Variants in NUMB observed in about 807,000 individuals in gnomAD.
NUMB encodes NUMB endocytic adaptor protein.
In NUMB, 29 loss-of-function variants were observed where a neutral mutation model predicts 59.7. The observed-to-expected ratio is 0.49, with a 90% confidence interval of 0.36 to 0.66. The LOEUF is 0.66. Ranked by LOEUF, NUMB falls within the 30% of genes least tolerant of loss-of-function variation. NUMB has a pLI of 0.00. For missense variants in NUMB, 723 were observed against 822.0 expected, an observed-to-expected ratio of 0.88 and a Z score of 1.47; for synonymous variants, 288 against 288.2, an observed-to-expected ratio of 1.00 and a Z score of 0.01.
chr14:73,282,139 T>C (rs1414312456), intron 11 of NUMB: 4 of 463,778 alleles, frequency 8.6e-6, no homozygotes, highest in Non-Finnish European at 1.5e-5. Flanking sequence ...GGGTGAAAGA[T>C]GGGCACATGC....
chr14:73,445,876 G>A (rs1245960348), intron 1 of NUMB, among the ~76,000 whole-genome samples: 1 of 152,012 alleles, frequency 6.6e-6, no homozygotes, highest in Non-Finnish European at 1.5e-5. Context: ...TGTGGGGGAG[G>A]GGTTCCATCA....
At chr14:73,293,009 C>T in intron 7 of NUMB, 135 bp from the exon 8 acceptor site, 5 of 885,808 alleles carry the variant, frequency 5.6e-6, no homozygotes, top group South Asian at 1.8e-5. Context: ...AGATCTGTGT[C>T]CAGCAGTTTA....
chr14:73,276,937 G>T lies in NUMB; in HGVS notation c.1597C>A (p.Gln533Lys). The T allele has an allele frequency of 6.2e-7, 1 of 1,614,178 alleles. No homozygotes were observed. Among genetic ancestry groups the T allele is most frequent in the Non-Finnish European group, 8.5e-7 (1 of 1,180,050 alleles). Residue 533 changes from glutamine (Q) to lysine (K), a missense_variant, in exon 13 of 13, where the codon CAG (glutamine) becomes AAG (lysine). Physicochemically the swap from Gln to Lys is moderately conservative, Grantham distance 53. This residue lies in a region of NUMB where 406 missense variants were observed against 385.4 expected (regional missense o/e 1.05). Transcript: ENST00000555238. ...NVPVVGITPS[Q>K]MVANVFGTAG... Reference sequence around the variant, plus strand: ...GTGCCAAATACGTTGGCCACCATCTGGGAGGGAGTGATGCCCACCACAGGC... The same window carrying T: ...GTGCCAAATACGTTGGCCACCATCTTGGAGGGAGTGATGCCCACCACAGGC...
At chr14:73,285,839 T>C (rs980023962) in intron 9 of NUMB, among the ~76,000 whole-genome samples, 27 of 151,452 alleles carry the variant, frequency 1.8e-4, no homozygotes, top group Middle Eastern at 3.4e-3. Context: ...GGCAGGAGAA[T>C]CGCTTGAGCC....
rs568779146 is a variant in NUMB, at chr14:73,321,852, T to A, written c.201+1278A>T. Among the ~76,000 whole-genome samples, 14 of 152,334 alleles carry A rather than the reference T, an allele frequency of 9.2e-5. No homozygotes were observed. In the East Asian group the frequency reaches 1.7e-3, roughly 19 times the overall value. On this transcript the variant is annotated intron_variant, in intron 5 of 12. Transcript: ENST00000555238. Reference sequence around the variant, plus strand: ...GTGTAGGTATGTCTGTATCTTTTTTTAAAATTTTTTAGTTCTTTGTATATT... The same window carrying A: ...GTGTAGGTATGTCTGTATCTTTTTTAAAAATTTTTTAGTTCTTTGTATATT...
At chr14:73,409,124 T>C (rs1896802008) in intron 2 of NUMB, 3 of 152,194 alleles carry the variant, frequency 2.0e-5, no homozygotes, top group Non-Finnish European at 2.9e-5. Flanking sequence ...CCTACAACGT[T>C]AGATTCCATC....
At position 73,316,562 on chromosome 14, in the gene NUMB, C is replaced by G. The variant is rs192784300; in HGVS notation, c.202-140G>C. On this transcript the variant is annotated intron_variant, in intron 5 of 12. Coordinates refer to ENST00000555238, the MANE Select transcript of NUMB (RefSeq NM_001005743.2). ...TGGGAGTGAGTTTCAAAGAGTTATC[C>G]ACACCAGGAGTGACAGGGAAAAAGG... is the stretch of plus-strand genomic sequence containing the variant. 9 of 726,738 alleles carry G rather than the reference C, an allele frequency of 1.2e-5. No individual in the cohort carries two copies. The East Asian group carries it at 2.3e-4, about 19-fold the overall frequency. 45.0% of individuals were successfully genotyped at this position (726,738 alleles called of 1,614,324 possible).
chr14:73,347,674 C>T (rs11849046), intron 4 of NUMB, among the ~76,000 whole-genome samples: 7,834 of 152,222 alleles, frequency 0.051, 653 homozygotes, highest in African/African-American at 0.18. Flanking sequence ...CCACTTTCTC[C>T]TATGTTGAAA....
intron 2 of NUMB, among the ~76,000 whole-genome samples, chr14:73,375,051 T>C (rs1043950127): frequency 4.6e-5 from 7 of 152,188 alleles, no homozygotes; most frequent in African/African-American, 1.7e-4. Context: ...TGCTAAGGTG[T>C]TGCCTCTGGC....
At chr14:73,449,701 G>C (rs1308605506) in intron 1 of NUMB, among the ~76,000 whole-genome samples, 2 of 151,928 alleles carry the variant, frequency 1.3e-5, no homozygotes, top group Non-Finnish European at 2.9e-5. Flanking sequence ...ATGTTTTGGT[G>C]TTTGTTTTTT....
At chr14:73,293,217 A>G (rs1341392375) in intron 7 of NUMB, among the ~76,000 whole-genome samples, 4 of 152,148 alleles carry the variant, frequency 2.6e-5, no homozygotes, top group Non-Finnish European at 4.4e-5. Context: ...TTTATTCCCA[A>G]ATATAAGCAA....
intron 6 of NUMB, among the ~76,000 whole-genome samples, chr14:73,307,280 G>T (rs2139875091): frequency 6.7e-6 from 1 of 149,414 alleles, no homozygotes. Flanking sequence ...CTGCACTCCA[G>T]CCTGGGCAAC....
At chr14:73,362,963 A>G (rs1375061121) in intron 3 of NUMB, among the ~76,000 whole-genome samples, 1 of 152,050 alleles carries the variant, frequency 6.6e-6, no homozygotes, top group Non-Finnish European at 1.5e-5. Context: ...AGCCTGGGCA[A>G]CATAGTGAGA....
chr14:73,417,095 A>G (rs897147555), intron 1 of NUMB, among the ~76,000 whole-genome samples: 2 of 151,810 alleles, frequency 1.3e-5, no homozygotes, highest in Non-Finnish European at 2.9e-5. Flanking sequence ...GGCGACGATC[A>G]TCTTCCCACT....
chr14:73,318,685 C>G (rs1891215851), intron 5 of NUMB, among the ~76,000 whole-genome samples: 1 of 152,070 alleles, frequency 6.6e-6, no homozygotes, highest in African/African-American at 2.4e-5. Flanking sequence ...GTCATTTATC[C>G]TATAGAAGCT....
intron 6 of NUMB, among the ~76,000 whole-genome samples, chr14:73,308,538 T>C (rs1002709284): frequency 6.6e-6 from 1 of 152,212 alleles, no homozygotes; most frequent in Admixed American, 6.5e-5. Context: ...GAAGTAGGCA[T>C]TAATCGCAAA....
At chr14:73,303,004 C>T (rs1474439912) in intron 6 of NUMB, among the ~76,000 whole-genome samples, 1 of 151,870 alleles carries the variant, frequency 6.6e-6, no homozygotes, top group African/African-American at 2.4e-5. Context: ...GATCACCTGA[C>T]GTCAGGAGTT....
intron 1 of NUMB, 150 bp downstream of exon 1, chr14:73,458,334 GCCGCCGCCC>G (rs1402136577): frequency 2.0e-5 from 3 of 153,134 alleles, no homozygotes; most frequent in Middle Eastern, 3.4e-3. Context: ...GCGCGAACTC[GCCGCCGCCC>G]CCGCCGCCTC....
intron 2 of NUMB, among the ~76,000 whole-genome samples, chr14:73,367,348 T>TATATATATAGAGAGAGAGAGAGAG (rs1555375287): frequency 9.5e-5 from 10 of 105,294 alleles, no homozygotes; most frequent in African/African-American, 4.0e-4. Context: ...TATATATATA[T>TATATATATAGAGAGAGAGAGAGAG]AGAGAGAGAG....
Sources: allele counts gnomAD v4.1 joint callset (sites outside exome capture counted in the v4.1 genomes callset), GRCh38; gene constraint gnomAD v4.1.1; regional missense constraint gnomAD v4.1.1; transcripts MANE v1.5; gene names NCBI Gene and HGNC (gene_info 2026-07-23, HGNC 2026-07-21).